DLC1: variants seen among roughly 807,000 people sequenced by gnomAD.
DLC1 encodes the protein rho GTPase-activating protein 7.
In DLC1, 54 loss-of-function variants were observed where a neutral mutation model predicts 140.3. That is an observed-to-expected ratio of 0.38 (90% CI 0.31 to 0.48). The LOEUF (loss-of-function observed/expected upper bound fraction) is 0.48. Ranked by LOEUF, DLC1 falls within the 20% of genes least tolerant of loss-of-function variation. The pLI, the probability that DLC1 is intolerant of heterozygous loss-of-function variation, is 0.96. For missense variants in DLC1, 2,536 were observed against 1,907.0 expected (o/e 1.33, Z -6.14); for synonymous variants, 986 against 728.1 (o/e 1.35, Z -5.70).
chr8:13,178,363 C>T (rs950190074), intron 5 of DLC1, among the ~76,000 whole-genome samples: 1 of 152,000 alleles, frequency 6.6e-6, no homozygotes, highest in Non-Finnish European at 1.5e-5. Flanking sequence ...GAGATCAAGA[C>T]CATCCTGGCC....
At chr8:13,107,885 A>C (rs476553) in intron 7 of DLC1, among the ~76,000 whole-genome samples, 13,814 of 151,934 alleles carry the variant, frequency 0.091, 1,805 homozygotes, top group African/African-American at 0.29. Context: ...TCTACTAAAA[A>C]AATACAAAAA....
At chr8:13,397,656 C>T (rs1437324782) in intron 3 of DLC1, among the ~76,000 whole-genome samples, 1 of 147,528 alleles carries the variant, frequency 6.8e-6, no homozygotes, top group East Asian at 2.1e-4. Flanking sequence ...TAGAGAAACC[C>T]CATCTCTACA....
At chr8:13,276,189 T>A in intron 5 of DLC1, 1 of 1,517,008 alleles carries the variant, frequency 6.6e-7, no homozygotes, top group Non-Finnish European at 8.8e-7. Context: ...AGCTTATCAC[T>A]GCGTCTTCGC....
At chr8:13,222,996 TC>T (rs1420508943) in intron 5 of DLC1, among the ~76,000 whole-genome samples, 2 of 152,122 alleles carry the variant, frequency 1.3e-5, no homozygotes, top group Admixed American at 1.3e-4. Context: ...CAAGGGATCC[TC>T]CCACCTCAGC....
At chr8:13,394,801 G>A (rs1008138512) in intron 3 of DLC1, among the ~76,000 whole-genome samples, 3 of 152,030 alleles carry the variant, frequency 2.0e-5, no homozygotes, top group Admixed American at 1.3e-4. Flanking sequence ...GTCTACAGGA[G>A]GGACTAGGCC....
At chr8:13,218,853 T>TGATTATATATG (rs1828346195) in intron 5 of DLC1, among the ~76,000 whole-genome samples, 1 of 31,590 alleles carries the variant, frequency 3.2e-5, no homozygotes, top group Admixed American at 3.0e-4. Context: ...TATAATTATA[T>TGATTATATATG]AATTATATAT....
rs115719190 is a variant in DLC1 at position 13,170,960 on chromosome 8, C to T, written c.1349-55303G>A. Reference sequence around the variant, plus strand: ...TTGAAATCCTCAAGAGACCACTTTGCGACTGAGGGTCACCAAAGCTCTGTG... The same window carrying T: ...TTGAAATCCTCAAGAGACCACTTTGTGACTGAGGGTCACCAAAGCTCTGTG... On this transcript the variant is annotated intron_variant, in intron 5 of 17. Coordinates refer to ENST00000276297, the MANE Select transcript of DLC1 (RefSeq NM_182643.3). Among the ~76,000 whole-genome samples the T allele has an allele frequency of 1.5e-4, 23 of 152,158 alleles. 1 individual carries two copies. Among genetic ancestry groups the T allele is most frequent in the Admixed American group, 7.8e-4 (12 of 15,288 alleles).
At chr8:13,462,877 G>A (rs929466000) in intron 2 of DLC1, among the ~76,000 whole-genome samples, 5 of 152,110 alleles carry the variant, frequency 3.3e-5, no homozygotes, top group African/African-American at 9.7e-5. Context: ...AACGTTGAAC[G>A]CATAGTGTAT....
intron 4 of DLC1, among the ~76,000 whole-genome samples, chr8:13,316,721 T>G (rs1832874402): frequency 6.6e-6 from 1 of 152,118 alleles, no homozygotes; most frequent in South Asian, 2.1e-4. Flanking sequence ...TTTGCAGATT[T>G]TCTCCTCTCT....
intron 5 of DLC1, among the ~76,000 whole-genome samples, chr8:13,165,971 T>C (rs545015404): frequency 6.9e-4 from 105 of 152,266 alleles, no homozygotes; most frequent in Non-Finnish European, 1.2e-3. Context: ...CAGTAGTCGA[T>C]ACTATGTCAC....
chr8:13,270,391 G>C (rs1354980547), intron 5 of DLC1, among the ~76,000 whole-genome samples: 1 of 152,186 alleles, frequency 6.6e-6, no homozygotes, highest in Non-Finnish European at 1.5e-5. Context: ...TGGCAGCCTT[G>C]ACATTTAGCA....
intron 6 of DLC1, among the ~76,000 whole-genome samples, chr8:13,114,055 A>T (rs1820332893): frequency 6.6e-6 from 1 of 152,208 alleles, no homozygotes; most frequent in South Asian, 2.1e-4. Context: ...AGTATAATGA[A>T]ACTCCCATTT....
At chr8:13,187,220 C>T (rs10099039) in intron 5 of DLC1, among the ~76,000 whole-genome samples, 68,347 of 151,768 alleles carry the variant, frequency 0.45, 16,057 homozygotes, top group East Asian at 0.84. Context: ...TTTATTTTTT[C>T]TCTGTTGTTT....
chr8:13,492,726 T>A (rs143866392), intron 2 of DLC1, among the ~76,000 whole-genome samples: 4 of 152,212 alleles, frequency 2.6e-5, no homozygotes, highest in African/African-American at 9.6e-5. Flanking sequence ...TCAATATTTA[T>A]TGATTGATTT....
At chr8:13,261,663 G>A (rs921126323) in intron 5 of DLC1, among the ~76,000 whole-genome samples, 1 of 152,066 alleles carries the variant, frequency 6.6e-6, no homozygotes, top group East Asian at 1.9e-4. Context: ...AGTGGTCAGC[G>A]TCTAGATGCA....
Position 13,499,719 on chromosome 8 carries a change from T to C in DLC1, c.353A>G (p.Asp118Gly), listed in dbSNP as rs761312913. ...VHVSDEDNNADLCLTDDKQVL... is the reference protein window; with the variant it reads ...VHVSDEDNNAGLCLTDDKQVL... ...CTGTTTATCATCTGTAAGGCATAAA[T>C]CAGCATTGTTATCCTCATCAGAAAC... Residue 118 changes from aspartate (D) to glycine (G), a missense_variant, in exon 2 of 18, where the codon GAT (aspartate) becomes GGT (glycine). Coordinates refer to ENST00000276297, the MANE Select transcript of DLC1 (RefSeq NM_182643.3). 1 of 1,614,176 alleles carries C rather than the reference T, an allele frequency of 6.2e-7. No individual in the cohort carries two copies. The highest frequency in any genetic ancestry group is 8.5e-7 in the Non-Finnish European group (1 of 1,180,030).
chr8:13,378,690 A>G (rs900016477), intron 4 of DLC1, among the ~76,000 whole-genome samples: 2 of 152,154 alleles, frequency 1.3e-5, no homozygotes, highest in African/African-American at 2.4e-5. Context: ...GTTTGTAACA[A>G]TATTGAGAGT....
chr8:13,470,024 A>G (rs899633368), intron 2 of DLC1, among the ~76,000 whole-genome samples: 1 of 152,190 alleles, frequency 6.6e-6, no homozygotes, highest in African/African-American at 2.4e-5. Context: ...TATATAAAGT[A>G]CCATCTAACA....
chr8:13,179,274 G>C (rs558544553), intron 5 of DLC1, among the ~76,000 whole-genome samples: 22 of 152,144 alleles, frequency 1.4e-4, no homozygotes, highest in Admixed American at 3.3e-4. Context: ...TGGGAGGTGG[G>C]GGGTGGGGCA....
Sources: gnomAD v4.1 joint callset for allele counts (sites outside exome capture counted in the v4.1 genomes callset) on GRCh38, gnomAD v4.1.1 for gene constraint, MANE v1.5 for transcripts, NCBI Gene and HGNC (gene_info 2026-07-23, HGNC 2026-07-21) for gene names.